TMEM131: variants seen among roughly 807,000 people sequenced by gnomAD.
TMEM131 encodes transmembrane protein 131.
TMEM131 carries 66 observed loss-of-function variants against 211.6 expected under a neutral mutation model. The ratio of observed to expected loss-of-function variants is 0.31; its 90% CI spans 0.26 to 0.38. The LOEUF is 0.38. Among genes scored for constraint, TMEM131 ranks in the 10% least tolerant of loss-of-function variants. TMEM131 has a pLI of 1.00. For synonymous variants in TMEM131, 844 were observed against 841.3 expected (o/e 1.00, Z -0.06); for missense variants, 2,036 against 2,299.3 (o/e 0.89, Z 2.34).
At chr2:97,982,344 C>T (rs985130415) in intron 1 of TMEM131, among the ~76,000 whole-genome samples, 1 of 152,078 alleles carries the variant, frequency 6.6e-6, no homozygotes, top group Admixed American at 6.5e-5. Flanking sequence ...TTCAGATCCC[C>T]TGCCCATTTT....
chr2:97,864,766 A>G (rs1559409612), intron 4 of TMEM131, among the ~76,000 whole-genome samples: 1 of 152,204 alleles, frequency 6.6e-6, no homozygotes, highest in Non-Finnish European at 1.5e-5. Context: ...GTGAGTGTCA[A>G]TGGGCAGCCT....
chr2:97,893,370 A>T (rs1331190834), intron 3 of TMEM131, among the ~76,000 whole-genome samples: 1 of 152,194 alleles, frequency 6.6e-6, no homozygotes, highest in Non-Finnish European at 1.5e-5. Flanking sequence ...ATGTGTCTTT[A>T]TAGCAGAATG....
At chr2:97,872,850 T>C (rs1674545794) in intron 4 of TMEM131, among the ~76,000 whole-genome samples, 1 of 152,144 alleles carries the variant, frequency 6.6e-6, no homozygotes, top group South Asian at 2.1e-4. Flanking sequence ...TGAGTTCTTT[T>C]TTTTCCATAC....
chr2:97,888,878 T>C (rs1049059987), intron 3 of TMEM131, among the ~76,000 whole-genome samples: 1 of 152,192 alleles, frequency 6.6e-6, no homozygotes, highest in Non-Finnish European at 1.5e-5. Context: ...ATAGTAGATT[T>C]TGATGTTTTT....
chr2:97,982,511 T>C (rs993062774), intron 1 of TMEM131, among the ~76,000 whole-genome samples: 2 of 152,216 alleles, frequency 1.3e-5, no homozygotes, highest in Non-Finnish European at 2.9e-5. Flanking sequence ...ACTTTCAAAT[T>C]TTGATGTCTA....
intron 6 of TMEM131, among the ~76,000 whole-genome samples, chr2:97,842,385 TTAAG>T (rs933071600): frequency 3.3e-5 from 5 of 152,212 alleles, no homozygotes; most frequent in African/African-American, 1.2e-4. Flanking sequence ...TTGCTATTTA[TTAAG>T]TGTCTATGAG....
At chr2:97,778,954 A>G (rs1476789939) in intron 31 of TMEM131, among the ~76,000 whole-genome samples, 1 of 152,224 alleles carries the variant, frequency 6.6e-6, no homozygotes, top group African/African-American at 2.4e-5. Context: ...AACTGAGTTA[A>G]CTATCCCAAA....
At chr2:97,768,455 G>A (rs1165722770) in intron 33 of TMEM131, among the ~76,000 whole-genome samples, 2 of 149,260 alleles carry the variant, frequency 1.3e-5, no homozygotes, top group Non-Finnish European at 3.0e-5. Context: ...AAAAGTAATT[G>A]GTTTTTAAGA....
At chr2:97,809,392 C>T (rs1354130535) in intron 19 of TMEM131, among the ~76,000 whole-genome samples, 2 of 152,138 alleles carry the variant, frequency 1.3e-5, no homozygotes, top group Non-Finnish European at 2.9e-5. Context: ...TCCCATAGCC[C>T]CTGCATCAGT....
chr2:97,961,027 G>C (rs184125265), intron 1 of TMEM131, among the ~76,000 whole-genome samples: 2 of 151,858 alleles, frequency 1.3e-5, no homozygotes, highest in East Asian at 3.9e-4. Flanking sequence ...CTTCCTCAGC[G>C]ATTATGAACA....
chr2:97,966,623 T>C (rs1679071286), intron 1 of TMEM131, among the ~76,000 whole-genome samples: 1 of 152,096 alleles, frequency 6.6e-6, no homozygotes, highest in Admixed American at 6.5e-5. Context: ...TGAAAATAGC[T>C]TCAAGTTGGC....
intron 4 of TMEM131, among the ~76,000 whole-genome samples, chr2:97,877,377 A>G (rs1031427803): frequency 6.6e-6 from 1 of 152,212 alleles, no homozygotes; most frequent in East Asian, 1.9e-4. Context: ...TATGGAACCA[A>G]AAAAGAACCC....
intron 31 of TMEM131, among the ~76,000 whole-genome samples, chr2:97,789,109 G>T (rs1014128123): frequency 3.9e-5 from 6 of 152,206 alleles, no homozygotes; most frequent in African/African-American, 1.2e-4. Flanking sequence ...AGAGGTGATG[G>T]CGCTTCACAC....
intron 39 of TMEM131, 108 bp downstream of exon 39, chr2:97,759,517 CCTTCCCAGGGAGCTTCCTGCGGGGCCT>C: frequency 1.4e-6 from 1 of 731,284 alleles, no homozygotes; most frequent in Non-Finnish European, 2.3e-6. Context: ...GGGAGGGGAC[CCTTCCCAGGGAGCTTCCTGCGGGGCCT>C]CTTCCACAGT....
intron 3 of TMEM131, among the ~76,000 whole-genome samples, chr2:97,894,284 C>T (rs537531972): frequency 6.6e-6 from 1 of 152,296 alleles, no homozygotes; most frequent in African/African-American, 2.4e-5. Context: ...TTACTGCAGC[C>T]TTGCAGAATA....
chr2:97,781,999 T>C (rs575094690), intron 31 of TMEM131, among the ~76,000 whole-genome samples: 1 of 152,326 alleles, frequency 6.6e-6, no homozygotes, highest in East Asian at 1.9e-4. Flanking sequence ...TGCAAGGCTG[T>C]AACCAGACAT....
rs752567547 is a variant in TMEM131, at chr2:97,762,226, G to A, written c.4724-26C>T. The A allele has an allele frequency of 2.7e-5, 44 of 1,611,644 alleles. 1 individual carries two copies. The Middle Eastern group carries it at 8.2e-4, about 30-fold the overall frequency. The stretch of plus-strand genomic sequence containing the variant: ...CTGGAAATTAAAAACAAACGGGCTC[G>A]TTAGTGTGGTGTTTTGATTAGCGCT... On this transcript the variant is annotated intron_variant, in intron 35 of 40. Coordinates refer to ENST00000186436, the MANE Select transcript of TMEM131 (RefSeq NM_015348.2).
intron 3 of TMEM131, among the ~76,000 whole-genome samples, chr2:97,906,947 T>C (rs1676096840): frequency 6.6e-6 from 1 of 152,228 alleles, no homozygotes; most frequent in Non-Finnish European, 1.5e-5. Context: ...TATGTACTGA[T>C]GTCAATTCTT....
intron 33 of TMEM131, among the ~76,000 whole-genome samples, chr2:97,772,080 A>G (rs1301713636): frequency 6.6e-6 from 1 of 152,234 alleles, no homozygotes. Flanking sequence ...TGCCCTCTGC[A>G]TATCTGACTT....
Sources: allele counts gnomAD v4.1 joint callset (sites outside exome capture counted in the v4.1 genomes callset), GRCh38; gene constraint gnomAD v4.1.1; transcripts MANE v1.5; gene names NCBI Gene and HGNC (gene_info 2026-07-23, HGNC 2026-07-21).